Variants in ST8SIA4 observed in about 807,000 individuals in gnomAD.
The protein encoded by ST8SIA4 is ST8 alpha-N-acetyl-neuraminide alpha-2,8-sialyltransferase 4.
A neutral mutation model predicts 33.9 loss-of-function variants in ST8SIA4; 15 were observed. The observed-to-expected ratio is 0.44, with a 90% CI of 0.30 to 0.68. The LOEUF (loss-of-function observed/expected upper bound fraction) is 0.68. ST8SIA4 is among the 30% of genes least tolerant of loss of function. ST8SIA4 has a pLI of 0.10. For synonymous variants in ST8SIA4, 171 were observed against 151.2 expected, an observed-to-expected ratio of 1.13 and a Z score of -0.96; for missense variants, 321 against 428.0, an observed-to-expected ratio of 0.75 and a Z score of 2.21.
At chr5:100,839,340 G>C (rs1386007944) in intron 4 of ST8SIA4, among the ~76,000 whole-genome samples, 1 of 151,918 alleles carries the variant, frequency 6.6e-6, no homozygotes, top group African/African-American at 2.4e-5. Context: ...TGCCAGAAAA[G>C]ATCTTGATTT....
intron 4 of ST8SIA4, among the ~76,000 whole-genome samples, chr5:100,813,910 A>G (rs1233743252): frequency 6.6e-6 from 1 of 151,986 alleles, no homozygotes; most frequent in Non-Finnish European, 1.5e-5. Context: ...GGCAAAGTCA[A>G]TGATTAGGAA....
rs1287216451 is a variant in ST8SIA4, at chr5:100,819,262, G to GA, written c.798-7134dup. On this transcript the variant is annotated intron_variant, in intron 4 of 4. Coordinates refer to ENST00000231461, the MANE Select transcript of ST8SIA4 (RefSeq NM_005668.6). Reference sequence around the variant, plus strand: ...GTTTAAAGCAGACACTGGGTGTCGGGAGACAGTTCAATGATATATTAGCAT... The same window carrying GA: ...GTTTAAAGCAGACACTGGGTGTCGGGAAGACAGTTCAATGATATATTAGCAT... 2.0e-5 allele frequency among the ~76,000 whole-genome samples: 3 copies of GA among 152,320 alleles called. No individual in the cohort carries two copies. The East Asian group carries it at 5.8e-4, about 29-fold the overall frequency.
chr5:100,856,450 T>C (rs72778621), intron 3 of ST8SIA4, 54 bp from the exon 4 acceptor site: 14 of 1,486,992 alleles, frequency 9.4e-6, no homozygotes, highest in Non-Finnish European at 1.3e-5. Flanking sequence ...TATTCACTGG[T>C]AAAATGGTGT....
At chr5:100,850,959 T>C (rs1751683694) in intron 4 of ST8SIA4, among the ~76,000 whole-genome samples, 1 of 139,796 alleles carries the variant, frequency 7.2e-6, no homozygotes, top group African/African-American at 2.6e-5. Flanking sequence ...CCATACTTTT[T>C]TTTTTTTTTT....
At chr5:100,835,556 T>C (rs1654296566) in intron 4 of ST8SIA4, among the ~76,000 whole-genome samples, 1 of 152,178 alleles carries the variant, frequency 6.6e-6, no homozygotes, top group Admixed American at 6.5e-5. Flanking sequence ...CACTAATTCG[T>C]ATTCATTCAT....
chr5:100,864,983 T>C (rs1752032736), intron 3 of ST8SIA4, among the ~76,000 whole-genome samples: 1 of 152,142 alleles, frequency 6.6e-6, no homozygotes, highest in South Asian at 2.1e-4. Context: ...TGGCTTAACT[T>C]AGAAAAAGTG....
chr5:100,858,438 C>CA (rs1751863793), intron 3 of ST8SIA4, among the ~76,000 whole-genome samples: 1 of 151,916 alleles, frequency 6.6e-6, no homozygotes, highest in African/African-American at 2.4e-5. Context: ...AAAACCAACC[C>CA]AATTAAATAG....
At chr5:100,845,362 C>T (rs979115332) in intron 4 of ST8SIA4, among the ~76,000 whole-genome samples, 6 of 151,662 alleles carry the variant, frequency 4.0e-5, no homozygotes, top group African/African-American at 1.4e-4. Context: ...TAACTTTAAA[C>T]TCCCAACTAT....
At chr5:100,814,132 C>T (rs1242369855) in intron 4 of ST8SIA4, among the ~76,000 whole-genome samples, 1 of 151,946 alleles carries the variant, frequency 6.6e-6, no homozygotes, top group Non-Finnish European at 1.5e-5. Flanking sequence ...GTAACTACAA[C>T]GTTAGAAATG....
intron 3 of ST8SIA4, among the ~76,000 whole-genome samples, chr5:100,861,962 A>G (rs1248984056): frequency 1.3e-5 from 2 of 152,210 alleles, no homozygotes; most frequent in Non-Finnish European, 2.9e-5. Flanking sequence ...TTCCTTTTAC[A>G]TGCTCTTTCC....
chr5:100,896,849 C>T (rs1561410514), intron 1 of ST8SIA4, among the ~76,000 whole-genome samples: 2 of 152,114 alleles, frequency 1.3e-5, no homozygotes, highest in African/African-American at 2.4e-5. Flanking sequence ...TTACAGAAGG[C>T]ATATATGCAT....
At chr5:100,838,424 T>C (rs747625189) in intron 4 of ST8SIA4, among the ~76,000 whole-genome samples, 1 of 152,016 alleles carries the variant, frequency 6.6e-6, no homozygotes, top group Non-Finnish European at 1.5e-5. Context: ...AGTATGGTGT[T>C]TCTATAAGAT....
At chr5:100,891,943 A>T (rs751066883) in intron 2 of ST8SIA4, among the ~76,000 whole-genome samples, 6 of 152,054 alleles carry the variant, frequency 3.9e-5, no homozygotes, top group Non-Finnish European at 7.4e-5. Flanking sequence ...CTATGTATGC[A>T]ATAGGAAATT....
At chr5:100,838,958 T>C (rs1451834234) in intron 4 of ST8SIA4, among the ~76,000 whole-genome samples, 2 of 151,968 alleles carry the variant, frequency 1.3e-5, no homozygotes, top group Non-Finnish European at 2.9e-5. Context: ...ATTTAAACCA[T>C]AGTGACAAAA....
chr5:100,873,495 C>A (rs1752242706), intron 3 of ST8SIA4, among the ~76,000 whole-genome samples: 2 of 152,026 alleles, frequency 1.3e-5, no homozygotes, highest in African/African-American at 4.8e-5. Flanking sequence ...TTTGTTTAAA[C>A]AAAGTAAGGA....
intron 3 of ST8SIA4, among the ~76,000 whole-genome samples, chr5:100,862,158 G>A (rs576872429): frequency 7.9e-4 from 120 of 152,144 alleles, no homozygotes; most frequent in African/African-American, 2.9e-3. Flanking sequence ...GACTGATGGG[G>A]CCAGATTGCA....
rs1022563338 is a variant in ST8SIA4 at position 100,810,270 on chromosome 5, A to G, written c.*1577T>C. 1 of 152,214 alleles carries G rather than the reference A, an allele frequency of 6.6e-6. No individual in the cohort carries two copies. Among genetic ancestry groups the G allele is most frequent in the Admixed American group, 6.5e-5 (1 of 15,278 alleles). The allele number at this position is 152,214 out of a possible 1,614,324, so 9.4% of individuals were successfully genotyped here. A position where few individuals can be genotyped will look rare whatever the true frequency, so the allele number is the denominator to read the frequency against. On this transcript the variant is annotated 3_prime_UTR_variant, in exon 5 of 5. Coordinates refer to ENST00000231461, the MANE Select transcript of ST8SIA4 (RefSeq NM_005668.6). Reference sequence around the variant, plus strand: ...ATATGTGATATTGTGACTAAATTTAACTACAGAAAATATCGGTCAATTAAA... The same window carrying G: ...ATATGTGATATTGTGACTAAATTTAGCTACAGAAAATATCGGTCAATTAAA...
At chr5:100,874,006 A>G (rs1466052054) in intron 3 of ST8SIA4, among the ~76,000 whole-genome samples, 11 of 152,198 alleles carry the variant, frequency 7.2e-5, no homozygotes, top group Non-Finnish European at 1.5e-4. Context: ...CACAACCAAC[A>G]AATTAAATTC....
chr5:100,845,227 A>G (rs1214237646), intron 4 of ST8SIA4, among the ~76,000 whole-genome samples: 1 of 152,012 alleles, frequency 6.6e-6, no homozygotes, highest in Non-Finnish European at 1.5e-5. Context: ...CACTTGTATC[A>G]TTTGAAGAAG....
Sources: allele counts gnomAD v4.1 joint callset (sites outside exome capture counted in the v4.1 genomes callset), GRCh38; gene constraint gnomAD v4.1.1; transcripts MANE v1.5; gene names NCBI Gene and HGNC (gene_info 2026-07-23, HGNC 2026-07-21).